Variants in MOV10L1 observed in about 807,000 individuals in gnomAD.
MOV10L1 encodes the protein RNA helicase Mov10l1.
MOV10L1 carries 110 observed loss-of-function variants against 143.8 expected under a neutral mutation model. The ratio of observed to expected loss-of-function variants is 0.76; its 90% CI spans 0.66 to 0.90. The LOEUF (loss-of-function observed/expected upper bound fraction) is 0.90, where lower values mean the gene tolerates loss of function less well. MOV10L1 is among the 40% of genes least tolerant of loss of function. The probability of loss-of-function intolerance (pLI) is 0.00; values close to 1 mark genes in which losing one functional copy is unlikely to be tolerated. For synonymous variants in MOV10L1, 593 were observed against 581.1 expected, an observed-to-expected ratio of 1.02 and a Z score of -0.29; for missense variants, 1,406 against 1,526.8, an observed-to-expected ratio of 0.92 and a Z score of 1.32.
chr22:50,108,150 A>G lies in MOV10L1; in HGVS notation c.457A>G (p.Lys153Glu). The change falls in exon 4 of 27, where the codon AAG becomes GAG. Residue 153 changes from lysine to glutamate, a missense_variant. Physicochemically the swap from Lys to Glu is moderately conservative, Grantham distance 56. Around this residue, in one of 3 missense-constraint regions of MOV10L1, gnomAD observed 1,233 missense variants for 1,351.4 expected, o/e 0.91. Coordinates refer to ENST00000262794, the MANE Select transcript of MOV10L1 (RefSeq NM_018995.3). Reference sequence around the variant, plus strand: ...GGCGGTTTTAGGCTTCGAGCCCTGCAAGGGAGACTGGGTGGAGGCTGAGTA... The same window carrying G: ...GGCGGTTTTAGGCTTCGAGCCCTGCGAGGGAGACTGGGTGGAGGCTGAGTA... ...ESVCEGFEPC[K>E]GDWVEAEYRI... 1.9e-6 allele frequency: 3 copies of G among 1,614,040 alleles called. No homozygotes were observed. Among genetic ancestry groups the G allele is most frequent in the Non-Finnish European group, 2.5e-6 (3 of 1,179,970 alleles).
chr22:50,156,208 C>T (rs1250313796), intron 22 of MOV10L1, among the ~76,000 whole-genome samples: 2 of 152,128 alleles, frequency 1.3e-5, no homozygotes, highest in East Asian at 3.9e-4. Context: ...CTCCGCCTCC[C>T]ATGTTCAAGC....
rs117770973 is a variant in MOV10L1 at position 50,139,147 on chromosome 22, C to T, written c.2071-2934C>T. ...GGAAGATTCCATATTATCAAGTTAC[C>T]TGTTTTACCTCACGTGGTCTGTAAA... On this transcript the variant is annotated intron_variant, in intron 15 of 26. Coordinates refer to ENST00000262794, the MANE Select transcript of MOV10L1 (RefSeq NM_018995.3). 5.0e-4 allele frequency among the ~76,000 whole-genome samples: 76 copies of T among 152,240 alleles called. 1 individual carries two copies. The East Asian group carries it at 0.013, about 27-fold the overall frequency.
In MOV10L1 at chr22:50,133,196, G is replaced by C. The variant is rs369608358; in HGVS notation, c.1911-811G>C. ...CTTTGTCCCTGGTCTTAGGGGCAGG[G>C]CTGTCAGTCCTGAGCGAGTTAGTAC... On this transcript the variant is annotated intron_variant, in intron 13 of 26. Transcript: ENST00000262794. 3.9e-5 allele frequency among the ~76,000 whole-genome samples: 6 copies of C among 152,128 alleles called. No homozygotes were observed. In the South Asian group the frequency reaches 1.0e-3, roughly 26 times the overall value.
intron 3 of MOV10L1, 80 bp downstream of exon 3, chr22:50,099,682 T>C: frequency 1.3e-6 from 2 of 1,482,586 alleles, no homozygotes; most frequent in Non-Finnish European, 9.2e-7. Context: ...GCACGGTGGC[T>C]CATGCCTATA....
rs183239517 is a variant in MOV10L1, at chr22:50,097,819, G to A, written c.283-1624G>A. On this transcript the variant is annotated intron_variant, in intron 2 of 26. Transcript: ENST00000262794. The stretch of plus-strand genomic sequence containing the variant: ...CCCATAGGACTTTGATAGGGATTGC[G>A]TTGCATTTGTTGGGTTTTTTTGTTG... 4.3e-3 allele frequency among the ~76,000 whole-genome samples: 660 copies of A among 152,042 alleles called. 4 individuals are homozygous for A. Among genetic ancestry groups the A allele is most frequent in the South Asian group, 1.0e-2 (48 of 4,804 alleles).
chr22:50,091,851 T>G, intron 1 of MOV10L1, 150 bp from the exon 2 acceptor site: 2 of 677,946 alleles, frequency 3.0e-6, no homozygotes, highest in Non-Finnish European at 4.9e-6. Flanking sequence ...TCTGATGGGA[T>G]TCTCTCTGTC....
At chr22:50,110,523 G>A (rs11704255) in intron 5 of MOV10L1, among the ~76,000 whole-genome samples, 50 of 151,934 alleles carry the variant, frequency 3.3e-4, no homozygotes, top group African/African-American at 1.1e-3. Flanking sequence ...GTTAGGGGTC[G>A]CTCTTCATCC....
At chr22:50,126,122 C>T (rs1037132689) in intron 11 of MOV10L1, 80 bp from the exon 12 acceptor site, 1 of 957,630 alleles carries the variant, frequency 1.0e-6, no homozygotes, top group African/African-American at 1.6e-5. Flanking sequence ...TGAACCTCCT[C>T]AGTGTTGGAT....
intron 5 of MOV10L1, among the ~76,000 whole-genome samples, chr22:50,111,543 A>C (rs1367109258): frequency 8.2e-6 from 1 of 121,314 alleles, no homozygotes; most frequent in Non-Finnish European, 1.6e-5. Context: ...TCGCTCCGTC[A>C]CCCAGGTTGG....
At chr22:50,115,063 A>T in intron 7 of MOV10L1, 51 bp from the exon 8 acceptor site, 1 of 1,524,132 alleles carries the variant, frequency 6.6e-7, no homozygotes. Context: ...CAGCACTGTT[A>T]GAGATAATTT....
intron 3 of MOV10L1, among the ~76,000 whole-genome samples, chr22:50,102,322 C>G (rs545832978): frequency 6.6e-6 from 1 of 152,198 alleles, no homozygotes; most frequent in African/African-American, 2.4e-5. Flanking sequence ...TCCTTCAAAG[C>G]TCCTCCCCAC....
At chr22:50,125,809 G>A (rs9617033) in intron 11 of MOV10L1, among the ~76,000 whole-genome samples, 34,174 of 151,770 alleles carry the variant, frequency 0.23, 4,209 homozygotes, top group Admixed American at 0.35. Flanking sequence ...GTTTTTTGAG[G>A]TGGAGTCTCG....
chr22:50,094,282 T>C (rs1469122375), intron 2 of MOV10L1: 1 of 152,214 alleles, frequency 6.6e-6, no homozygotes, highest in African/African-American at 2.4e-5. Context: ...TTTCTTCTTT[T>C]AGGTCCTGTA....
chr22:50,090,043 GGGC>G lies in MOV10L1; in HGVS notation c.-39_-37del. 2 of 984,342 alleles carry G rather than the reference GGGC, an allele frequency of 2.0e-6. No homozygotes were observed. The highest frequency in any genetic ancestry group is 1.7e-5 in the African/African-American group (1 of 58,468). 61.0% of individuals were successfully genotyped at this position (984,342 alleles called of 1,614,324 possible). ...CGGCGGGAGCGGCGCGGGCGCGTGC[GGGC>G]GGCGGCAGCGGCGGTGACGGCAGCC... On this transcript the variant is annotated 5_prime_UTR_variant, in exon 1 of 27. Coordinates refer to ENST00000262794, the MANE Select transcript of MOV10L1 (RefSeq NM_018995.3).
chr22:50,109,263 G>A (rs2061955979), intron 5 of MOV10L1, among the ~76,000 whole-genome samples: 1 of 152,184 alleles, frequency 6.6e-6, no homozygotes, highest in African/African-American at 2.4e-5. Context: ...GGGGTAAGAG[G>A]AGAGCATCCC....
At position 50,150,946 on chromosome 22, in the gene MOV10L1, C is replaced by A. The variant is rs368758731; in HGVS notation, c.2892+47C>A. The stretch of plus-strand genomic sequence containing the variant: ...GTTCAGGTCCCCAGCTAAGCAGACA[C>A]AGGCTCCAGGGCAGTCGAGCAGCTC... On this transcript the variant is annotated intron_variant, in intron 21 of 26. Transcript: ENST00000262794. 2.9e-5 allele frequency: 47 copies of A among 1,610,140 alleles called. No individual in the cohort carries two copies. The African/African-American group carries it at 5.7e-4, about 20-fold the overall frequency.
chr22:50,104,702 T>C (rs183198724), intron 3 of MOV10L1, among the ~76,000 whole-genome samples: 4 of 152,320 alleles, frequency 2.6e-5, no homozygotes, highest in Non-Finnish European at 5.9e-5. Flanking sequence ...TATCTGGACA[T>C]TATATTCTTG....
At chr22:50,093,258 G>T (rs2062500767) in intron 2 of MOV10L1, 1 of 152,056 alleles carries the variant, frequency 6.6e-6, no homozygotes, top group African/African-American at 2.4e-5. Flanking sequence ...GTTGAGTTCA[G>T]CTTTTTCTTT....
In MOV10L1 at chr22:50,130,773, G is replaced by A. The variant is rs118182108; in HGVS notation, c.1910+2266G>A. 1.2e-3 allele frequency among the ~76,000 whole-genome samples: 184 copies of A among 152,330 alleles called. 2 individuals are homozygous for A. In the East Asian group the frequency reaches 0.031, roughly 25 times the overall value. ...GGCAGCTAGAGAGACTGCAGCCGAC[G>A]TCCAGGCCTGGACTCCTTGACCTGC... is the stretch of plus-strand genomic sequence containing the variant. On this transcript the variant is annotated intron_variant, in intron 13 of 26. Transcript: ENST00000262794.
Sources: allele counts gnomAD v4.1 joint callset (sites outside exome capture counted in the v4.1 genomes callset), GRCh38; gene constraint gnomAD v4.1.1; regional missense constraint gnomAD v4.1.1; transcripts MANE v1.5; gene names NCBI Gene and HGNC (gene_info 2026-07-23, HGNC 2026-07-21).